The following PDZRN3 variants were observed in gnomAD, a reference collection of about 807,000 sequenced individuals.
PDZRN3 encodes the protein PDZ domain containing ring finger 3, also known as E3 ubiquitin-protein ligase PDZRN3.
Under a neutral mutation model 85.7 loss-of-function variants are expected in PDZRN3, and 38 were observed. The ratio of observed to expected loss-of-function variants is 0.44; its 90% CI spans 0.34 to 0.58. PDZRN3 has a LOEUF of 0.58. PDZRN3 is among the 20% of genes least tolerant of loss of function. PDZRN3 has a pLI of 0.01. For missense variants in PDZRN3, 1,629 were observed against 1,506.4 expected (o/e 1.08, Z -1.35); for synonymous variants, 759 against 638.0 (o/e 1.19, Z -2.86).
chr3:73,523,192 A>G (rs1030912380), intron 3 of PDZRN3, among the ~76,000 whole-genome samples: 14 of 151,928 alleles, frequency 9.2e-5, no homozygotes, highest in Non-Finnish European at 1.8e-4. Context: ...ATGCCCAGCT[A>G]ATTTTTGTAC....
chr3:73,410,506 C>T (rs1362660391), intron 3 of PDZRN3, among the ~76,000 whole-genome samples: 2 of 152,094 alleles, frequency 1.3e-5, no homozygotes, highest in Non-Finnish European at 2.9e-5. Flanking sequence ...ATGTTATTTC[C>T]CTAGATTTGG....
chr3:73,604,744 A>T (rs535792686), intron 2 of PDZRN3, among the ~76,000 whole-genome samples: 10 of 152,324 alleles, frequency 6.6e-5, no homozygotes, highest in Admixed American at 3.3e-4. Context: ...GGAGAGAAAG[A>T]GGGAGATAGG....
intron 3 of PDZRN3, among the ~76,000 whole-genome samples, chr3:73,458,286 TAACAGCTGTTA>T (rs1438109675): frequency 6.6e-6 from 1 of 151,836 alleles, no homozygotes; most frequent in East Asian, 1.9e-4. Flanking sequence ...CAGATGCCCG[TAACAGCTGTTA>T]ACTGACCACT....
intron 3 of PDZRN3, among the ~76,000 whole-genome samples, chr3:73,539,251 C>CGG: frequency 6.6e-6 from 1 of 152,140 alleles, no homozygotes; most frequent in Non-Finnish European, 1.5e-5. Flanking sequence ...TTTCGAACCA[C>CGG]AAAATATTGT....
intron 3 of PDZRN3, among the ~76,000 whole-genome samples, chr3:73,499,786 A>G (rs1407999627): frequency 6.6e-6 from 1 of 151,996 alleles, no homozygotes; most frequent in African/African-American, 2.4e-5. Context: ...TCCTAGTCGT[A>G]TTTTCTTGGC....
chr3:73,517,912 C>T (rs565427134), intron 3 of PDZRN3, among the ~76,000 whole-genome samples: 2 of 152,078 alleles, frequency 1.3e-5, no homozygotes, highest in Non-Finnish European at 2.9e-5. Context: ...CAGGTCAAAG[C>T]AAAGAATACA....
chr3:73,495,382 A>AC (rs1703848309), intron 3 of PDZRN3, among the ~76,000 whole-genome samples: 1 of 152,148 alleles, frequency 6.6e-6, no homozygotes, highest in Non-Finnish European at 1.5e-5. Flanking sequence ...ACTGACATCT[A>AC]CCTGGGGTAT....
intron 3 of PDZRN3, among the ~76,000 whole-genome samples, chr3:73,578,198 C>G (rs1438747931): frequency 7.3e-6 from 1 of 136,256 alleles, no homozygotes; most frequent in African/African-American, 2.8e-5. Flanking sequence ...GAGTCTCGCT[C>G]TGTTGCCCAG....
intron 3 of PDZRN3, among the ~76,000 whole-genome samples, chr3:73,495,027 G>A (rs192324364): frequency 6.6e-6 from 1 of 152,206 alleles, no homozygotes; most frequent in African/African-American, 2.4e-5. Flanking sequence ...ACTAGAGGGG[G>A]GACAGAGGAA....
intron 3 of PDZRN3, among the ~76,000 whole-genome samples, chr3:73,415,266 G>A (rs969394532): frequency 6.6e-6 from 1 of 152,126 alleles, no homozygotes; most frequent in African/African-American, 2.4e-5. Flanking sequence ...TGGGGAGGAA[G>A]AGAGGAGAGG....
intron 3 of PDZRN3, among the ~76,000 whole-genome samples, chr3:73,574,579 C>T (rs9861819): frequency 0.013 from 2,003 of 152,190 alleles, 54 homozygotes; most frequent in African/African-American, 0.046. Flanking sequence ...TTGCCTCAGC[C>T]TCCCAAGTAG....
In PDZRN3 at chr3:73,431,176, C is replaced by T. The variant is rs146704612; in HGVS notation, c.919-26781G>A. Among the ~76,000 whole-genome samples, 553 of 152,272 alleles carry T rather than the reference C, an allele frequency of 3.6e-3. 6 individuals are homozygous for T. Among genetic ancestry groups the T allele is most frequent in the African/African-American group, 0.013 (526 of 41,542 alleles). ...TAATGCATGGCCCCAATCACTGATG[C>T]GTCTGCACTCTTTGCAATGCCCTTT... is the stretch of plus-strand genomic sequence containing the variant. On this transcript the variant is annotated intron_variant, in intron 3 of 9. Transcript: ENST00000263666.
At chr3:73,448,821 G>T (rs1702802555) in intron 3 of PDZRN3, among the ~76,000 whole-genome samples, 1 of 152,182 alleles carries the variant, frequency 6.6e-6, no homozygotes, top group Admixed American at 6.5e-5. Context: ...AGAAGCCATG[G>T]AAACACCTGG....
intron 3 of PDZRN3, among the ~76,000 whole-genome samples, chr3:73,473,835 G>C (rs374517306): frequency 2.0e-4 from 30 of 152,138 alleles, no homozygotes; most frequent in African/African-American, 7.0e-4. Context: ...TGCTGCCCCA[G>C]TCAACATCCT....
At chr3:73,400,206 C>T (rs978605955) in intron 5 of PDZRN3, among the ~76,000 whole-genome samples, 2 of 152,050 alleles carry the variant, frequency 1.3e-5, no homozygotes, top group African/African-American at 4.8e-5. Flanking sequence ...TTTTGAAACC[C>T]CATTGAAATA....
Position 73,383,863 on chromosome 3 carries a change from G to C in PDZRN3, c.2703C>G (p.Ser901Arg), listed in dbSNP as rs771834971. 4 of 1,613,772 alleles carry C rather than the reference G, an allele frequency of 2.5e-6. No homozygotes were observed. The highest frequency in any genetic ancestry group is 3.4e-6 in the Non-Finnish European group (4 of 1,180,008). The change falls in exon 10 of 10, where the codon AGC becomes AGG. Residue 901 changes from serine (S) to arginine (R), a missense_variant. Physicochemically the swap from Ser to Arg is moderately radical, Grantham distance 110. Transcript: ENST00000263666. ...SAVEYAQSQM[S>R]LVSMCKDLSS... ...TCAGGTCCTTGCACATGCTCACCAG[G>C]CTCATCTGGCTTTGCGCGTACTCCA...
intron 3 of PDZRN3, among the ~76,000 whole-genome samples, chr3:73,596,853 A>C (rs1702437228): frequency 6.6e-6 from 1 of 152,246 alleles, no homozygotes; most frequent in African/African-American, 2.4e-5. Flanking sequence ...ATAAATTCTG[A>C]AGATTAGATA....
chr3:73,559,366 G>A (rs974483150), intron 3 of PDZRN3, among the ~76,000 whole-genome samples: 29 of 152,246 alleles, frequency 1.9e-4, no homozygotes, highest in African/African-American at 7.0e-4. Flanking sequence ...ACCCCTCAAT[G>A]ATAATGATAT....
intron 1 of PDZRN3, among the ~76,000 whole-genome samples, chr3:73,618,677 C>T (rs751031032): frequency 6.6e-5 from 10 of 152,282 alleles, no homozygotes; most frequent in Admixed American, 3.3e-4. Flanking sequence ...ATTTTTATAG[C>T]GAGGCAAGCA....
Sources: allele counts gnomAD v4.1 joint callset (sites outside exome capture counted in the v4.1 genomes callset), GRCh38; gene constraint gnomAD v4.1.1; transcripts MANE v1.5; gene names NCBI Gene and HGNC (gene_info 2026-07-23, HGNC 2026-07-21).